Variants in NXPH2 observed in about 807,000 individuals in gnomAD.
The protein encoded by NXPH2 is neurexophilin 2.
A neutral mutation model predicts 19.8 loss-of-function variants in NXPH2; 5 were observed. The observed-to-expected ratio is 0.25, with a 90% CI of 0.13 to 0.53. NXPH2 has a LOEUF of 0.53. Among genes scored for constraint, NXPH2 ranks in the 20% least tolerant of loss-of-function variants. NXPH2 has a pLI of 0.96. For synonymous variants in NXPH2, 154 were observed against 127.4 expected (o/e 1.21, Z -1.41); for missense variants, 289 against 322.8 (o/e 0.90, Z 0.80).
chr2:138,720,162 G>A (rs1452941333), intron 1 of NXPH2, among the ~76,000 whole-genome samples: 2 of 151,932 alleles, frequency 1.3e-5, no homozygotes, highest in Non-Finnish European at 2.9e-5. Flanking sequence ...AAAAACAGAG[G>A]CTATATGGTT....
intron 1 of NXPH2, among the ~76,000 whole-genome samples, chr2:138,775,285 T>G (rs1039859122): frequency 4.6e-5 from 7 of 152,284 alleles, no homozygotes; most frequent in African/African-American, 1.7e-4. Flanking sequence ...GTTTGAGAGT[T>G]TTAATCTAGA....
At chr2:138,712,363 T>C (rs1033309818) in intron 1 of NXPH2, among the ~76,000 whole-genome samples, 1 of 152,226 alleles carries the variant, frequency 6.6e-6, no homozygotes, top group African/African-American at 2.4e-5. Context: ...GGAATTTCTC[T>C]GTCACAGAGG....
At chr2:138,733,381 T>A (rs1026168212) in intron 1 of NXPH2, among the ~76,000 whole-genome samples, 1 of 152,198 alleles carries the variant, frequency 6.6e-6, no homozygotes, top group Non-Finnish European at 1.5e-5. Flanking sequence ...TGAATGAAGA[T>A]CTGGATATTT....
At chr2:138,702,687 G>A (rs1408912494) in intron 1 of NXPH2, among the ~76,000 whole-genome samples, 1 of 151,232 alleles carries the variant, frequency 6.6e-6, no homozygotes, top group African/African-American at 2.4e-5. Context: ...CTTTGACAGA[G>A]AGTGTTCAAT....
chr2:138,709,650 C>T (rs1410199844), intron 1 of NXPH2, among the ~76,000 whole-genome samples: 1 of 152,118 alleles, frequency 6.6e-6, no homozygotes, highest in African/African-American at 2.4e-5. Context: ...AGTTTCACTG[C>T]CCTAAAAATC....
At chr2:138,678,101 T>C (rs370344251) in intron 1 of NXPH2, among the ~76,000 whole-genome samples, 189 of 152,358 alleles carry the variant, frequency 1.2e-3, no homozygotes, top group African/African-American at 4.4e-3. Flanking sequence ...TTACAAAGAT[T>C]CTCAACTTGT....
intron 1 of NXPH2, among the ~76,000 whole-genome samples, chr2:138,756,830 G>A (rs568538850): frequency 5.9e-5 from 9 of 152,272 alleles, no homozygotes; most frequent in African/African-American, 2.2e-4. Flanking sequence ...AGTGGACTAA[G>A]AGGTAATTTA....
rs1289014278 is a variant in NXPH2, at chr2:138,671,105, G to A, written c.612C>T (p.Asn204=). ...TDRAKKTALC[N]FDPSKICYQE... is the part of the protein sequence containing the mutation. ...GGTAGCAGATCTTGGATGGGTCAAAGTTGCACAGGGCGGTCTTTTTCGCCC... is the reference window on the plus strand; with the variant it reads ...GGTAGCAGATCTTGGATGGGTCAAAATTGCACAGGGCGGTCTTTTTCGCCC... Residue 204 remains asparagine (N), a synonymous_variant, in exon 2 of 2, where the codon AAC becomes AAT. Transcript: ENST00000272641. The A allele has an allele frequency of 6.2e-7, 1 of 1,613,968 alleles. No individual in the cohort carries two copies. The highest frequency in any genetic ancestry group is 8.5e-7 in the Non-Finnish European group (1 of 1,179,878).
intron 1 of NXPH2, among the ~76,000 whole-genome samples, chr2:138,687,489 A>T (rs1680678947): frequency 6.6e-6 from 1 of 152,014 alleles, no homozygotes; most frequent in African/African-American, 2.4e-5. Context: ...ATTTTCTCCC[A>T]TTCTGTAGGT....
intron 1 of NXPH2, among the ~76,000 whole-genome samples, chr2:138,736,052 C>T (rs867928421): frequency 2.5e-4 from 38 of 152,200 alleles, no homozygotes; most frequent in African/African-American, 8.7e-4. Context: ...AGCCTCCCTC[C>T]CAGCTGCTTT....
At chr2:138,719,729 G>C (rs1400718090) in intron 1 of NXPH2, among the ~76,000 whole-genome samples, 1 of 151,938 alleles carries the variant, frequency 6.6e-6, no homozygotes, top group Non-Finnish European at 1.5e-5. Flanking sequence ...ACAAAACTTT[G>C]AATGTTTAAA....
intron 1 of NXPH2, among the ~76,000 whole-genome samples, chr2:138,746,651 G>A (rs75718125): frequency 0.041 from 6,201 of 152,208 alleles, 361 homozygotes; most frequent in African/African-American, 0.12. Context: ...GAGCACATGG[G>A]AAGACATCCA....
chr2:138,757,755 A>C (rs1681935286), intron 1 of NXPH2, among the ~76,000 whole-genome samples: 1 of 150,920 alleles, frequency 6.6e-6, no homozygotes, highest in Admixed American at 6.6e-5. Context: ...ACTCTCTTAT[A>C]TATGTGTGTG....
At chr2:138,740,884 G>T (rs1681632323) in intron 1 of NXPH2, among the ~76,000 whole-genome samples, 1 of 146,652 alleles carries the variant, frequency 6.8e-6, no homozygotes, top group African/African-American at 2.5e-5. Context: ...AAATATGGGG[G>T]AAAAGTGCTG....
At chr2:138,736,771 A>G (rs1681545687) in intron 1 of NXPH2, among the ~76,000 whole-genome samples, 1 of 152,184 alleles carries the variant, frequency 6.6e-6, no homozygotes, top group South Asian at 2.1e-4. Context: ...TTTAAAACTG[A>G]ATCCTTTAAC....
At chr2:138,743,954 G>T (rs1681686784) in intron 1 of NXPH2, among the ~76,000 whole-genome samples, 1 of 130,024 alleles carries the variant, frequency 7.7e-6, no homozygotes, top group Non-Finnish European at 1.6e-5. Context: ...AGTGAGCCGA[G>T]ATTGCGCCAT....
Position 138,780,248 on chromosome 2 carries a change from G to T in NXPH2, c.-7C>A. The T allele has an allele frequency of 1.4e-6, 2 of 1,428,876 alleles. No homozygotes were observed. Among genetic ancestry groups the T allele is most frequent in the South Asian group, 1.5e-5 (1 of 67,992 alleles). The allele number at this position is 1,428,876 out of a possible 1,614,324, so 88.5% of individuals were successfully genotyped here. A position where few individuals can be genotyped will look rare whatever the true frequency, so the allele number is the denominator to read the frequency against. ...GCAGCGGCCGCAGGCGCATGGTGCC[G>T]GCTGGCGCGGCTTTTCACGAGCTGC... On this transcript the variant is annotated 5_prime_UTR_variant, in exon 1 of 2. Transcript: ENST00000272641.
intron 1 of NXPH2, among the ~76,000 whole-genome samples, chr2:138,731,910 T>C (rs999820180): frequency 6.6e-6 from 1 of 152,190 alleles, no homozygotes; most frequent in Non-Finnish European, 1.5e-5. Flanking sequence ...GCAGATTCTG[T>C]CATCATTCAC....
intron 1 of NXPH2, among the ~76,000 whole-genome samples, chr2:138,732,429 T>C (rs1393968765): frequency 6.6e-6 from 1 of 152,094 alleles, no homozygotes; most frequent in African/African-American, 2.4e-5. Flanking sequence ...GAAACACTGA[T>C]GTGTGAGATT....
Sources: allele counts gnomAD v4.1 joint callset (sites outside exome capture counted in the v4.1 genomes callset), GRCh38; gene constraint gnomAD v4.1.1; transcripts MANE v1.5; gene names NCBI Gene and HGNC (gene_info 2026-07-23, HGNC 2026-07-21).